Variants in ITGA2 observed in about 807,000 individuals in gnomAD.
ITGA2 encodes integrin subunit alpha 2.
A neutral mutation model predicts 146.3 loss-of-function variants in ITGA2; 101 were observed. The ratio of observed to expected loss-of-function variants is 0.69; its 90% CI spans 0.59 to 0.81. ITGA2 has a LOEUF of 0.81. Among genes scored for constraint, ITGA2 ranks in the 40% least tolerant of loss-of-function variants. The pLI is 0.00. For missense variants in ITGA2, 1,281 were observed against 1,402.7 expected (o/e 0.91, Z 1.39); for synonymous variants, 477 against 487.1 (o/e 0.98, Z 0.27).
intron 4 of ITGA2, 45 bp downstream of exon 4, chr5:53,045,137 A>C: frequency 7.1e-7 from 1 of 1,410,140 alleles, no homozygotes; most frequent in Non-Finnish European, 1.0e-6. Context: ...AAGAAAGTAC[A>C]TAGACAGTAG....
At chr5:53,066,091 G>A (rs1745138084) in intron 15 of ITGA2, 114 bp downstream of exon 15, 1 of 990,810 alleles carries the variant, frequency 1.0e-6, no homozygotes, top group South Asian at 1.3e-5. Context: ...AGACTATAGG[G>A]AATCGATGTA....
Position 53,026,577 on chromosome 5 carries a change from C to T in ITGA2, c.65-171C>T, listed in dbSNP as rs147506979. Among the ~76,000 whole-genome samples the T allele has an allele frequency of 2.2e-4, 33 of 152,162 alleles. 1 individual carries two copies. The East Asian group carries it at 5.6e-3, about 26-fold the overall frequency. On this transcript the variant is annotated intron_variant, in intron 1 of 29. Coordinates refer to ENST00000296585, the MANE Select transcript of ITGA2 (RefSeq NM_002203.4). ...GCATATATAGTATTTAGCTTGGTGC[C>T]GGGCCTCCAAATAAGTACTTAAAAA...
intron 1 of ITGA2, among the ~76,000 whole-genome samples, chr5:52,995,070 G>T (rs1351128513): frequency 6.6e-6 from 1 of 152,200 alleles, no homozygotes; most frequent in Non-Finnish European, 1.5e-5. Flanking sequence ...TCCTGGGGCA[G>T]ATGTTTAGGT....
intron 1 of ITGA2, among the ~76,000 whole-genome samples, chr5:52,997,450 CA>C (rs1233539324): frequency 1.3e-5 from 2 of 152,060 alleles, no homozygotes; most frequent in African/African-American, 2.4e-5. Flanking sequence ...AAAGAGTGTT[CA>C]AAAAATGGAA....
chr5:53,077,639 T>C (rs1745721507), intron 23 of ITGA2, among the ~76,000 whole-genome samples: 1 of 152,120 alleles, frequency 6.6e-6, no homozygotes, highest in Non-Finnish European at 1.5e-5. Flanking sequence ...TTTCAAATCC[T>C]AGTCAGTTTT....
At position 53,075,260 on chromosome 5, in the gene ITGA2, C is replaced by T. The variant is rs746086149; in HGVS notation, c.2781C>T (p.Asn927=). ...QEENKADNLV[N]LKIPLLYDAE... is the part of the protein sequence containing the mutation. ...AAAACAAGGCTGATAATTTGGTCAA[C>T]CTCAAAATTCCTCTCCTGTATGATG... The change falls in exon 23 of 30, where the codon AAC becomes AAT. Residue 927 remains asparagine (N), a synonymous_variant. Coordinates refer to ENST00000296585, the MANE Select transcript of ITGA2 (RefSeq NM_002203.4). The T allele has an allele frequency of 8.1e-6, 13 of 1,612,642 alleles. No homozygotes were observed. The highest frequency in any genetic ancestry group is 2.2e-5 in the East Asian group (1 of 44,772).
chr5:53,077,967 G>A (rs1323639376), intron 23 of ITGA2, among the ~76,000 whole-genome samples: 6 of 151,954 alleles, frequency 3.9e-5, no homozygotes, highest in Admixed American at 1.3e-4. Flanking sequence ...AATCCCCCAC[G>A]CAAAGAAGCT....
chr5:53,013,686 T>C (rs1353331614), intron 1 of ITGA2, among the ~76,000 whole-genome samples: 3 of 152,156 alleles, frequency 2.0e-5, no homozygotes, highest in Non-Finnish European at 4.4e-5. Flanking sequence ...ATCTATAAAT[T>C]GGATTGGGAA....
chr5:53,032,359 G>C (rs545933068), intron 2 of ITGA2, among the ~76,000 whole-genome samples: 36 of 152,142 alleles, frequency 2.4e-4, no homozygotes, highest in African/African-American at 8.4e-4. Context: ...GTGATACTTT[G>C]ATAATAACAC....
At chr5:53,042,246 C>G (rs774454886) in intron 3 of ITGA2, 25 bp downstream of exon 3, 1 of 1,355,094 alleles carries the variant, frequency 7.4e-7, no homozygotes, top group Admixed American at 1.7e-5. Context: ...ACTTGCAAGG[C>G]ATGTGATTTG....
At chr5:53,065,680 G>A in intron 14 of ITGA2, 161 bp from the exon 15 acceptor site, 1 of 855,762 alleles carries the variant, frequency 1.2e-6, no homozygotes, top group Non-Finnish European at 1.8e-6. Context: ...GCAGAGATCA[G>A]ATAATAAGAT....
chr5:53,050,906 C>T (rs756769271), intron 6 of ITGA2, among the ~76,000 whole-genome samples: 30 of 152,154 alleles, frequency 2.0e-4, no homozygotes, highest in Non-Finnish European at 3.8e-4. Flanking sequence ...AAATAGACCT[C>T]AATTGACTAC....
chr5:53,086,955 A>G lies in ITGA2; in HGVS notation c.3262A>G (p.Thr1088Ala), dbSNP rs1184350482. 3.1e-6 allele frequency: 5 copies of G among 1,612,482 alleles called. No homozygotes were observed. Among genetic ancestry groups the G allele is most frequent in the African/African-American group, 1.3e-5 (1 of 74,876 alleles). ...RIWNGTFASS[T>A]FQTVQLTAAA... ...ATTCCTTATTCTTATGTTCCAGTCA[A>G]CGTTCCAGACAGTACAGCTAACGGC... The change falls in exon 28 of 30, where the codon ACG (threonine) becomes GCG (alanine). Residue 1088 changes from threonine to alanine, a missense_variant. Thr to Ala is a moderately conservative substitution (Grantham distance 58). Around this residue, in one of 3 missense-constraint regions of ITGA2, gnomAD observed 475 missense variants for 530.5 expected, o/e 0.90. Transcript: ENST00000296585.
chr5:53,067,505 C>G (rs1012812791), intron 16 of ITGA2, among the ~76,000 whole-genome samples: 2 of 151,820 alleles, frequency 1.3e-5, no homozygotes, highest in Non-Finnish European at 2.9e-5. Flanking sequence ...ACCAAGGGCC[C>G]TCCTGCTTCC....
At chr5:53,062,656 A>C in intron 12 of ITGA2, 130 bp from the exon 13 acceptor site, 1 of 928,572 alleles carries the variant, frequency 1.1e-6, no homozygotes, top group South Asian at 1.3e-5. Context: ...CTCTGTCTTC[A>C]TGTTCCAAGC....
intron 1 of ITGA2, among the ~76,000 whole-genome samples, chr5:53,010,030 G>C (rs192256475): frequency 6.6e-6 from 1 of 152,146 alleles, no homozygotes; most frequent in Non-Finnish European, 1.5e-5. Flanking sequence ...TCCTCTGAAA[G>C]CAAAGGGTGT....
chr5:53,066,045 G>A (rs1310686991), intron 15 of ITGA2, 68 bp downstream of exon 15: 3 of 1,430,080 alleles, frequency 2.1e-6, no homozygotes, highest in South Asian at 2.3e-5. Context: ...ACAGATGTCT[G>A]TACTGGTATT....
chr5:53,048,449 C>T lies in ITGA2; in HGVS notation c.474C>T (p.Leu158=), dbSNP rs1333790291. 2 of 1,614,136 alleles carry T rather than the reference C, an allele frequency of 1.2e-6. No individual in the cohort carries two copies. Among genetic ancestry groups the T allele is most frequent in the Admixed American group, 1.7e-5 (1 of 60,020 alleles). ...CTGACATCAGTCCTGATTTTCAGCT[C>T]TCAGCCAGCTTCTCACCTGCAACTC... ...VCSDISPDFQ[L]SASFSPATQP... The change falls in exon 5 of 30, where the codon CTC becomes CTT. Residue 158 remains leucine (L), a synonymous_variant. Coordinates refer to ENST00000296585, the MANE Select transcript of ITGA2 (RefSeq NM_002203.4).
chr5:53,059,952 A>G lies in ITGA2; in HGVS notation c.1252A>G (p.Ile418Val), dbSNP rs1467594576. The change falls in exon 11 of 30, where the codon ATC becomes GTC. Residue 418 changes from isoleucine (I) to valine (V), a missense_variant. Ile to Val is a conservative substitution (Grantham distance 29). Coordinates refer to ENST00000296585, the MANE Select transcript of ITGA2 (RefSeq NM_002203.4). ...CCAGAAGACATCTCATGGCCATTTG[A>G]TCTTTCCTAAACAAGCCTTTGACCA... Reference protein sequence around the residue: ...IVQKTSHGHLIFPKQAFDQIL... With the variant: ...IVQKTSHGHLVFPKQAFDQIL... 1.2e-6 allele frequency: 2 copies of G among 1,612,324 alleles called. No individual in the cohort carries two copies. The highest frequency in any genetic ancestry group is 1.1e-5 in the South Asian group (1 of 91,062).
Sources: gnomAD v4.1 joint callset for allele counts (sites outside exome capture counted in the v4.1 genomes callset) on GRCh38, gnomAD v4.1.1 for gene constraint, gnomAD v4.1.1 regional missense constraint, MANE v1.5 for transcripts, NCBI Gene and HGNC (gene_info 2026-07-23, HGNC 2026-07-21) for gene names.